The following CBFA2T3 variants were observed in gnomAD, a reference collection of about 807,000 sequenced individuals.
CBFA2T3 encodes CBFA2/RUNX1 partner transcriptional co-repressor 3.
A neutral mutation model predicts 58.6 loss-of-function variants in CBFA2T3; 31 were observed. That is an observed-to-expected ratio of 0.53 (90% CI 0.40 to 0.71). The LOEUF (loss-of-function observed/expected upper bound fraction) is 0.71. Among genes scored for constraint, CBFA2T3 ranks in the 30% least tolerant of loss-of-function variants. CBFA2T3 has a pLI of 0.00. For missense variants in CBFA2T3, 1,076 were observed against 963.1 expected (o/e 1.12, Z -1.55); for synonymous variants, 531 against 421.9 (o/e 1.26, Z -3.17).
chr16:88,941,002 G>A, intron 1 of CBFA2T3: 3 of 973,364 alleles, frequency 3.1e-6, no homozygotes, highest in Non-Finnish European at 3.7e-6. Context: ...CGGCGCGCGG[G>A]GCGGACACGG....
intron 3 of CBFA2T3, among the ~76,000 whole-genome samples, chr16:88,893,256 T>C (rs1270866513): frequency 6.8e-6 from 1 of 146,974 alleles, no homozygotes; most frequent in African/African-American, 2.6e-5. Context: ...CCCTGAGCAA[T>C]GTGCCTCCCC....
intron 1 of CBFA2T3, among the ~76,000 whole-genome samples, chr16:88,926,680 T>C (rs1971094845): frequency 6.6e-6 from 1 of 152,208 alleles, no homozygotes. Context: ...AAGCTGGCCA[T>C]GGTCCCGTGC....
intron 1 of CBFA2T3, among the ~76,000 whole-genome samples, chr16:88,919,258 T>C (rs529736054): frequency 1.2e-4 from 19 of 152,200 alleles, no homozygotes; most frequent in Non-Finnish European, 2.5e-4. Context: ...TTCCAGCCAA[T>C]GGAAACCGGA....
rs1341305972 is a variant in CBFA2T3 at position 88,898,098 on chromosome 16, T to C, written c.359A>G (p.Lys120Arg). The C allele has an allele frequency of 5.0e-6, 8 of 1,613,186 alleles. No individual in the cohort carries two copies. The South Asian group carries it at 6.6e-5, about 13-fold the overall frequency. Residue 120 changes from lysine to arginine, a missense_variant, in exon 3 of 12, where the codon AAA (lysine) becomes AGA (arginine). By Grantham distance (26) the Lys-to-Arg change is conservative (BLOSUM62 2). Coordinates refer to ENST00000268679, the MANE Select transcript of CBFA2T3 (RefSeq NM_005187.6). ...CTTACAGAGACAGACCATAGACCAT[T>C]TTAAGCAGCCATGAAAACGGCCGTG... is the stretch of plus-strand genomic sequence containing the variant. ...LPHGRFHGCL[K>R]WSMVCLLMNG... is the part of the protein sequence containing the mutation.
intron 1 of CBFA2T3, among the ~76,000 whole-genome samples, chr16:88,961,870 A>C (rs1343580341): frequency 5.0e-5 from 7 of 140,520 alleles, no homozygotes; most frequent in Non-Finnish European, 1.1e-4. Flanking sequence ...AGTAACCGAC[A>C]GTCAGCGCTG....
chr16:88,882,078 G>A (rs1220637534), intron 8 of CBFA2T3, among the ~76,000 whole-genome samples: 1 of 152,252 alleles, frequency 6.6e-6, no homozygotes, highest in African/African-American at 2.4e-5. Flanking sequence ...AGGGTTTTAG[G>A]AATCCTCCTC....
intron 1 of CBFA2T3, chr16:88,941,803 C>CT (rs1487656029): frequency 4.2e-5 from 6 of 142,958 alleles, no homozygotes; most frequent in Non-Finnish European, 3.0e-5. Context: ...GGCCTCGCAG[C>CT]TTTAGAACCG....
intron 3 of CBFA2T3, among the ~76,000 whole-genome samples, chr16:88,893,400 G>A (rs1185601901): frequency 1.3e-5 from 2 of 151,772 alleles, no homozygotes; most frequent in East Asian, 1.9e-4. Flanking sequence ...CCAGCCCTGA[G>A]CAATGTCCCA....
intron 1 of CBFA2T3, among the ~76,000 whole-genome samples, chr16:88,911,045 G>C (rs1476997543): frequency 2.0e-5 from 3 of 152,254 alleles, no homozygotes; most frequent in Admixed American, 1.3e-4. Context: ...ACGGGGAGCA[G>C]TGCCTTCTCT....
At position 88,877,000 on chromosome 16, in the gene CBFA2T3, G is replaced by A; in HGVS notation, c.1938C>T (p.Gly646=). 6.8e-7 allele frequency: 1 copy of A among 1,466,802 alleles called. No individual in the cohort carries two copies. 90.9% of individuals were successfully genotyped at this position (1,466,802 alleles called of 1,614,324 possible). The change falls in exon 12 of 12, where the codon GGC becomes GGT. Residue 646 remains glycine, a synonymous_variant. Transcript: ENST00000268679. ...PSRPGSPSPP[G]PLDTVPR ...GTCAGCGGGGCACGGTGTCCAGTGG[G>A]CCAGGTGGGCTGGGGGAGCCGGGGC... is the stretch of plus-strand genomic sequence containing the variant.
intron 1 of CBFA2T3, among the ~76,000 whole-genome samples, chr16:88,935,656 C>A (rs907721123): frequency 2.6e-5 from 4 of 152,194 alleles, no homozygotes; most frequent in African/African-American, 9.6e-5. Flanking sequence ...CTCTGGACCA[C>A]CCCATTTTGC....
intron 1 of CBFA2T3, among the ~76,000 whole-genome samples, chr16:88,967,109 A>AC (rs1972526332): frequency 7.4e-5 from 9 of 121,408 alleles, no homozygotes; most frequent in Admixed American, 1.9e-4. Context: ...TGCCACCCCC[A>AC]ACCCCCAACC....
At chr16:88,895,548 G>C (rs1281183424) in intron 3 of CBFA2T3, among the ~76,000 whole-genome samples, 2 of 152,164 alleles carry the variant, frequency 1.3e-5, no homozygotes, top group African/African-American at 2.4e-5. Context: ...CACACACCGA[G>C]CAAACAGCGC....
At chr16:88,960,982 T>C (rs1972341032) in intron 1 of CBFA2T3, among the ~76,000 whole-genome samples, 2 of 152,242 alleles carry the variant, frequency 1.3e-5, no homozygotes, top group Admixed American at 1.3e-4. Context: ...TTTAAAAATT[T>C]GTTTATCTGA....
At chr16:88,887,731 C>A (rs146038413) in intron 5 of CBFA2T3, among the ~76,000 whole-genome samples, 6 of 152,072 alleles carry the variant, frequency 3.9e-5, no homozygotes, top group Non-Finnish European at 7.4e-5. Context: ...CCAGGGCACC[C>A]GGGGAGGTGT....
At chr16:88,952,365 C>G (rs1244380053) in intron 1 of CBFA2T3, among the ~76,000 whole-genome samples, 3 of 151,402 alleles carry the variant, frequency 2.0e-5, no homozygotes, top group African/African-American at 7.3e-5. Context: ...GACAAATGCC[C>G]AGGCCACAGG....
rs538829233 is a variant in CBFA2T3 at position 88,953,355 on chromosome 16, G to T, written c.151+23302C>A. 2.6e-5 allele frequency among the ~76,000 whole-genome samples: 4 copies of T among 152,154 alleles called. No individual in the cohort carries two copies. The East Asian group carries it at 5.8e-4, about 22-fold the overall frequency. On this transcript the variant is annotated intron_variant, in intron 1 of 11. Coordinates refer to ENST00000268679, the MANE Select transcript of CBFA2T3 (RefSeq NM_005187.6). This position sits in a 1 kb window ranked among gnomAD's most constrained non-coding sequence, Gnocchi z 4.9. ...AGAACGAAGGAAGGAGTGAGCGTGG[G>T]GAGAGCCAGCCAGGCTCCCCATGTC...
At chr16:88,901,180 G>A (rs922459550) in intron 2 of CBFA2T3, among the ~76,000 whole-genome samples, 10 of 152,250 alleles carry the variant, frequency 6.6e-5, no homozygotes, top group African/African-American at 1.2e-4. Context: ...GAGGCACAGC[G>A]GCCGGCTTTG....
chr16:88,878,879 G>A (rs1448305937), intron 11 of CBFA2T3, among the ~76,000 whole-genome samples: 1 of 152,218 alleles, frequency 6.6e-6, no homozygotes, highest in Non-Finnish European at 1.5e-5. Context: ...CCGGGAGGCG[G>A]AGGTTGTAAT....
Sources: gnomAD v4.1 joint callset for allele counts (sites outside exome capture counted in the v4.1 genomes callset) on GRCh38, gnomAD v4.1.1 for gene constraint, Gnocchi (gnomAD v3.1) non-coding constraint, MANE v1.5 for transcripts, NCBI Gene and HGNC (gene_info 2026-07-23, HGNC 2026-07-21) for gene names.